NFKBIZ: variants seen among roughly 807,000 people sequenced by gnomAD.
NFKBIZ encodes NF-kappa-B inhibitor zeta.
A neutral mutation model predicts 76.8 loss-of-function variants in NFKBIZ; 19 were observed. The observed-to-expected ratio is 0.25, with a 90% confidence interval of 0.17 to 0.36. The LOEUF (loss-of-function observed/expected upper bound fraction) is 0.36. NFKBIZ is among the 10% of genes least tolerant of loss of function. The pLI, the probability that NFKBIZ is intolerant of heterozygous loss-of-function variation, is 1.00. For missense variants in NFKBIZ, 829 were observed against 910.9 expected, an observed-to-expected ratio of 0.91 and a Z score of 1.16; for synonymous variants, 368 against 354.8, an observed-to-expected ratio of 1.04 and a Z score of -0.42.
At chr3:101,842,451 G>A (rs899319669) in intron 2 of NFKBIZ, among the ~76,000 whole-genome samples, 8 of 152,218 alleles carry the variant, frequency 5.3e-5, no homozygotes, top group African/African-American at 1.7e-4. Context: ...GAGCAAGCTT[G>A]TCCAACCTGT....
chr3:101,849,762 C>T lies in NFKBIZ; in HGVS notation c.134C>T (p.Pro45Leu), dbSNP rs1394272610. The change falls in exon 1 of 12, where the codon CCG (proline) becomes CTG (leucine). Residue 45 changes from proline (P) to leucine (L), a missense_variant. Around this residue, in one of 4 missense-constraint regions of NFKBIZ, gnomAD observed 181 missense variants for 175.3 expected, o/e 1.03. Coordinates refer to ENST00000326172, the MANE Select transcript of NFKBIZ (RefSeq NM_031419.4). ...GGCGCGTCGCCGCCCGCCGCCGCCC[C>T]GGGCGCCTGCGACGCCAGCTGCTCG... The part of the protein sequence containing the change: ...FYGASPPAAA[P>L]GACDASCSVL... The T allele has an allele frequency of 2.1e-5, 30 of 1,452,976 alleles. No homozygotes were observed. The highest frequency in any genetic ancestry group is 3.0e-5 in the East Asian group (1 of 32,844). 90.0% of individuals were successfully genotyped at this position (1,452,976 alleles called of 1,614,324 possible).
At chr3:101,848,484 C>T (rs1487574424), upstream of NFKBIZ, among the ~76,000 whole-genome samples, 1 of 152,204 alleles carries the variant, frequency 6.6e-6, no homozygotes, top group African/African-American at 2.4e-5. Flanking sequence ...GTTGTTTCTC[C>T]TTTTAGGTGG....
At chr3:101,841,008 A>C (rs1488507410) in intron 2 of NFKBIZ, among the ~76,000 whole-genome samples, 1 of 152,236 alleles carries the variant, frequency 6.6e-6, no homozygotes, top group Non-Finnish European at 1.5e-5. Flanking sequence ...CATACTATAC[A>C]TACAGTACTT....
Position 101,853,282 on chromosome 3 carries a change from G to A in NFKBIZ, c.756G>A (p.Glu252=), listed in dbSNP as rs377101796. Residue 252 remains glutamate (E), a synonymous_variant, in exon 5 of 12, where the codon GAG becomes GAA. Coordinates refer to ENST00000326172, the MANE Select transcript of NFKBIZ (RefSeq NM_031419.4). ...PVVVPQSSPA[E]QCQDFHGGQV... ...TGGTCCCTCAGAGCTCCCCCGCAGA[G>A]CAGTGTCAGGACTTCCATGGAGGGC... 2.7e-4 allele frequency: 440 copies of A among 1,614,168 alleles called. 4 individuals are homozygous for A. The highest frequency in any genetic ancestry group is 2.3e-3 in the Middle Eastern group (14 of 6,062).
rs900253257 is a variant in NFKBIZ, at chr3:101,853,811, T to C, written c.1285T>C (p.Leu429=). The C allele has an allele frequency of 6.2e-7, 1 of 1,613,544 alleles. No individual in the cohort carries two copies. Among genetic ancestry groups the C allele is most frequent in the Non-Finnish European group, 8.5e-7 (1 of 1,180,028 alleles). ...GCAGGTGGAGCAGGAAGAAAGCAAATTGGCAAATATTTCCCAAGACCAGTT... is the reference window on the plus strand; with the variant it reads ...GCAGGTGGAGCAGGAAGAAAGCAAACTGGCAAATATTTCCCAAGACCAGTT... ...QWQVEQEESK[L]ANISQDQFLS... The change falls in exon 5 of 12, where the codon TTG becomes CTG. Residue 429 remains leucine, a synonymous_variant. Transcript: ENST00000326172.
At position 101,854,698 on chromosome 3, in the gene NFKBIZ, A is replaced by G. The variant is rs1412250747; in HGVS notation, c.1443+15A>G. On this transcript the variant is annotated intron_variant, in intron 6 of 11. Coordinates refer to ENST00000326172, the MANE Select transcript of NFKBIZ (RefSeq NM_031419.4). ...ACAATGGACAGGTGAGGACCTTGAC[A>G]GAGTCTGAAATGGCAAAGAGGGGGT... 1.8e-5 allele frequency: 28 copies of G among 1,583,728 alleles called. No homozygotes were observed. The highest frequency in any genetic ancestry group is 2.4e-5 in the Non-Finnish European group (28 of 1,153,012).
chr3:101,831,826 A>G (rs570314524), intron 2 of NFKBIZ, among the ~76,000 whole-genome samples: 1 of 152,138 alleles, frequency 6.6e-6, no homozygotes, highest in South Asian at 2.1e-4. Flanking sequence ...TTTTTAGTAG[A>G]GTGGAGTTTC....
intron 2 of NFKBIZ, among the ~76,000 whole-genome samples, chr3:101,831,807 A>G (rs1942651893): frequency 6.6e-6 from 1 of 151,880 alleles, no homozygotes; most frequent in African/African-American, 2.4e-5. Flanking sequence ...CGCCCAACTA[A>G]TTTTTGTATT....
upstream of NFKBIZ, among the ~76,000 whole-genome samples, chr3:101,845,294 C>CTTT (rs759102672): frequency 7.6e-6 from 1 of 131,186 alleles, no homozygotes; most frequent in African/African-American, 2.8e-5. Context: ...AATCCAATTC[C>CTTT]TTTTTTTTTT....
intron 11 of NFKBIZ, among the ~76,000 whole-genome samples, chr3:101,858,856 T>G (rs1943093633): frequency 6.6e-6 from 1 of 152,224 alleles, no homozygotes; most frequent in Non-Finnish European, 1.5e-5. Flanking sequence ...GACAGCTGTT[T>G]TGACTTGAAT....
intron 2 of NFKBIZ, among the ~76,000 whole-genome samples, chr3:101,844,434 G>C (rs1942824570): frequency 6.6e-6 from 1 of 152,174 alleles, no homozygotes; most frequent in Admixed American, 6.5e-5. Flanking sequence ...CTGCTGCCTT[G>C]ATTTGTTTTA....
intron 9 of NFKBIZ, among the ~76,000 whole-genome samples, chr3:101,856,465 G>T (rs1943051674): frequency 6.6e-6 from 1 of 152,306 alleles, no homozygotes; most frequent in Middle Eastern, 3.4e-3. Flanking sequence ...GAAAGGTAAA[G>T]AAAATGCTTG....
rs779877154 is a variant in NFKBIZ at position 101,853,554 on chromosome 3, T to C, written c.1028T>C (p.Leu343Pro). Reference sequence around the variant, plus strand: ...TGCCCAAACCAAAGCTTAGTTTCCCTTCTTGGTGATCAAAGGGAATCTGAG... The same window carrying C: ...TGCCCAAACCAAAGCTTAGTTTCCCCTCTTGGTGATCAAAGGGAATCTGAG... ...QFCPNQSLVS[L>P]LGDQRESENI... The change falls in exon 5 of 12, where the codon CTT becomes CCT. Residue 343 changes from leucine to proline, a missense_variant. This residue lies in a region of NFKBIZ where 371 missense variants were observed against 332.3 expected (regional missense o/e 1.12). Transcript: ENST00000326172. 2 of 1,614,240 alleles carry C rather than the reference T, an allele frequency of 1.2e-6. No individual in the cohort carries two copies. The highest frequency in any genetic ancestry group is 1.7e-5 in the Admixed American group (1 of 60,030).
At chr3:101,854,770 AGCTC>A in intron 6 of NFKBIZ, 87 bp downstream of exon 6, 1 of 875,916 alleles carries the variant, frequency 1.1e-6, no homozygotes, top group Non-Finnish European at 1.8e-6. Context: ...ATCATCTTAG[AGCTC>A]AAGATCAAGA....
intron 2 of NFKBIZ, among the ~76,000 whole-genome samples, chr3:101,840,007 A>G (rs1942768157): frequency 6.6e-6 from 1 of 151,052 alleles, no homozygotes; most frequent in Admixed American, 6.6e-5. Context: ...AATGGAGAGG[A>G]AAAAAGGAGG....
At chr3:101,833,427 A>G (rs1342118331) in intron 2 of NFKBIZ, among the ~76,000 whole-genome samples, 3 of 152,186 alleles carry the variant, frequency 2.0e-5, no homozygotes, top group African/African-American at 7.2e-5. Flanking sequence ...TGAACAAATA[A>G]CCCAGGGTGG....
At chr3:101,838,339 A>C (rs1057151009) in intron 2 of NFKBIZ, among the ~76,000 whole-genome samples, 1 of 152,208 alleles carries the variant, frequency 6.6e-6, no homozygotes, top group African/African-American at 2.4e-5. Flanking sequence ...TCAGAGATTA[A>C]GAGATTTGCC....
Position 101,853,579 on chromosome 3 carries a change from G to A in NFKBIZ, c.1053G>A (p.Glu351=). The A allele has an allele frequency of 6.2e-7, 1 of 1,614,226 alleles. No homozygotes were observed. Among genetic ancestry groups the A allele is most frequent in the Non-Finnish European group, 8.5e-7 (1 of 1,180,044 alleles). Residue 351 remains glutamate (E), a synonymous_variant, in exon 5 of 12, where the codon GAG becomes GAA. Coordinates refer to ENST00000326172, the MANE Select transcript of NFKBIZ (RefSeq NM_031419.4). Reference sequence around the variant, plus strand: ...TTCTTGGTGATCAAAGGGAATCTGAGAATATTGCTAATCCCATGCAGACTT... The same window carrying A: ...TTCTTGGTGATCAAAGGGAATCTGAAAATATTGCTAATCCCATGCAGACTT... The part of the protein sequence containing the change: ...VSLLGDQRES[E]NIANPMQTSS...
intron 11 of NFKBIZ, 107 bp downstream of exon 11, chr3:101,857,566 A>T: frequency 6.5e-7 from 1 of 1,529,970 alleles, no homozygotes; most frequent in Non-Finnish European, 8.8e-7. Flanking sequence ...CTTCAGGTGG[A>T]CTCTATCAGT....
Sources: gnomAD v4.1 joint callset for allele counts (sites outside exome capture counted in the v4.1 genomes callset) on GRCh38, gnomAD v4.1.1 for gene constraint, gnomAD v4.1.1 regional missense constraint, MANE v1.5 for transcripts, NCBI Gene and HGNC (gene_info 2026-07-23, HGNC 2026-07-21) for gene names.